CNTN5: variants seen among roughly 807,000 people sequenced by gnomAD.
The protein encoded by CNTN5 is contactin-5.
Under a neutral mutation model 129.1 loss-of-function variants are expected in CNTN5, and 77 were observed. The observed-to-expected ratio is 0.60, with a 90% CI of 0.50 to 0.72. The LOEUF (loss-of-function observed/expected upper bound fraction) is 0.72. Ranked by LOEUF, CNTN5 falls within the 30% of genes least tolerant of loss-of-function variation. CNTN5 has a pLI of 0.00. For missense variants in CNTN5, 1,478 were observed against 1,328.8 expected (o/e 1.11, Z -1.75); for synonymous variants, 509 against 465.6 (o/e 1.09, Z -1.20).
intron 2 of CNTN5, among the ~76,000 whole-genome samples, chr11:99,525,760 A>G (rs1160959080): frequency 6.6e-6 from 1 of 152,222 alleles, no homozygotes; most frequent in Non-Finnish European, 1.5e-5. Context: ...TAGAGTCTTG[A>G]GCGTGAATTT....
chr11:100,309,250 A>G (rs1467850289), intron 21 of CNTN5: 1 of 984,570 alleles, frequency 1.0e-6, no homozygotes, highest in African/African-American at 1.7e-5. Context: ...TTCAGTTCCC[A>G]TTAAGAGAAA....
intron 17 of CNTN5, among the ~76,000 whole-genome samples, chr11:100,264,044 T>G (rs574994955): frequency 1.3e-4 from 20 of 152,226 alleles, no homozygotes; most frequent in Middle Eastern, 3.4e-3. Context: ...AGTTCACCTG[T>G]TTTTACTTTT....
chr11:99,176,579 G>A (rs190747459), intron 1 of CNTN5, among the ~76,000 whole-genome samples: 1 of 152,280 alleles, frequency 6.6e-6, no homozygotes, highest in Non-Finnish European at 1.5e-5. Context: ...GTTGAGAGTT[G>A]TGCAAGCCAA....
intron 2 of CNTN5, among the ~76,000 whole-genome samples, chr11:99,528,862 G>C (rs1947588488): frequency 6.6e-6 from 1 of 151,388 alleles, no homozygotes; most frequent in Non-Finnish European, 1.5e-5. Flanking sequence ...TCAGGAGTTC[G>C]AGAACAGCCT....
chr11:99,475,856 C>T (rs1945350975), intron 2 of CNTN5, among the ~76,000 whole-genome samples: 1 of 151,624 alleles, frequency 6.6e-6, no homozygotes, highest in African/African-American at 2.4e-5. Context: ...AATTAAGTTC[C>T]CAATGTTTAA....
chr11:99,732,042 CT>C (rs1445591364), intron 3 of CNTN5, among the ~76,000 whole-genome samples: 1 of 152,128 alleles, frequency 6.6e-6, no homozygotes, highest in Non-Finnish European at 1.5e-5. Context: ...AATTTTCCCA[CT>C]TTTTTTATTT....
At chr11:100,186,855 T>G (rs1025515888) in intron 13 of CNTN5, among the ~76,000 whole-genome samples, 6 of 152,176 alleles carry the variant, frequency 3.9e-5, no homozygotes, top group African/African-American at 1.4e-4. Context: ...CAATATTAAA[T>G]TATCTAAGTA....
At chr11:99,674,192 A>C (rs1392626590) in intron 3 of CNTN5, among the ~76,000 whole-genome samples, 1 of 152,060 alleles carries the variant, frequency 6.6e-6, no homozygotes, top group Non-Finnish European at 1.5e-5. Flanking sequence ...TTTGATTTGC[A>C]TTTCTCTAAT....
At chr11:99,962,323 A>C (rs2136192881) in intron 8 of CNTN5, among the ~76,000 whole-genome samples, 1 of 117,516 alleles carries the variant, frequency 8.5e-6, no homozygotes, top group Non-Finnish European at 1.8e-5. Context: ...CCACCCCACA[A>C]CAAGCCCCGG....
intron 3 of CNTN5, among the ~76,000 whole-genome samples, chr11:99,709,267 A>G (rs1461471695): frequency 1.3e-5 from 2 of 149,738 alleles, no homozygotes; most frequent in Non-Finnish European, 3.0e-5. Flanking sequence ...CAGATCACAC[A>G]CTTTTTTTTC....
chr11:99,862,119 A>C (rs1229958982), intron 6 of CNTN5, among the ~76,000 whole-genome samples: 4 of 152,184 alleles, frequency 2.6e-5, no homozygotes, highest in African/African-American at 9.6e-5. Flanking sequence ...TTTAAATACA[A>C]AACATACAAA....
intron 3 of CNTN5, among the ~76,000 whole-genome samples, chr11:99,758,378 C>T (rs888943305): frequency 6.6e-6 from 1 of 151,984 alleles, no homozygotes; most frequent in Non-Finnish European, 1.5e-5. Context: ...CTTTATTTGT[C>T]AGACCAGACT....
At chr11:99,843,045 A>G (rs1947565142) in intron 4 of CNTN5, among the ~76,000 whole-genome samples, 1 of 152,172 alleles carries the variant, frequency 6.6e-6, no homozygotes, top group Non-Finnish European at 1.5e-5. Context: ...AGCCTGGCCA[A>G]CATGGCAAAA....
At chr11:100,170,671 T>A (rs1947795397) in intron 13 of CNTN5, among the ~76,000 whole-genome samples, 2 of 151,948 alleles carry the variant, frequency 1.3e-5, no homozygotes, top group Non-Finnish European at 2.9e-5. Flanking sequence ...TTCTTGCGTG[T>A]CATCCATAGA....
At chr11:99,121,597 T>A (rs145846226) in intron 1 of CNTN5, among the ~76,000 whole-genome samples, 117 of 152,324 alleles carry the variant, frequency 7.7e-4, no homozygotes, top group African/African-American at 2.7e-3. Context: ...TAGAATGGGT[T>A]TGCCCACAAC....
At chr11:99,692,448 G>T (rs77520137) in intron 3 of CNTN5, among the ~76,000 whole-genome samples, 28 of 151,966 alleles carry the variant, frequency 1.8e-4, no homozygotes, top group Admixed American at 8.5e-4. Context: ...ACAGTTTCCC[G>T]CAGCATTTGT....
chr11:99,617,641 G>C (rs79929590), intron 3 of CNTN5, among the ~76,000 whole-genome samples: 2 of 151,782 alleles, frequency 1.3e-5, no homozygotes, highest in African/African-American at 4.8e-5. Flanking sequence ...AGATTTTTTC[G>C]ATGTGCAAAG....
At chr11:99,873,809 TA>T (rs1323556203) in intron 6 of CNTN5, among the ~76,000 whole-genome samples, 11 of 152,122 alleles carry the variant, frequency 7.2e-5, no homozygotes, top group Non-Finnish European at 1.6e-4. Context: ...AGCTAACCTA[TA>T]TGTCTATCAA....
chr11:99,697,816 C>T (rs1233931222), intron 3 of CNTN5, among the ~76,000 whole-genome samples: 1 of 151,416 alleles, frequency 6.6e-6, no homozygotes, highest in Non-Finnish European at 1.5e-5. Context: ...AAATCTAAAC[C>T]TATTGTTAAA....
Sources: allele counts gnomAD v4.1 joint callset (sites outside exome capture counted in the v4.1 genomes callset), GRCh38; gene constraint gnomAD v4.1.1; transcripts MANE v1.5; gene names NCBI Gene and HGNC (gene_info 2026-07-23, HGNC 2026-07-21).